MICU1: variants seen among roughly 807,000 people sequenced by gnomAD.
MICU1 encodes calcium uptake protein 1, mitochondrial.
A neutral mutation model predicts 56.8 loss-of-function variants in MICU1; 45 were observed. That is an observed-to-expected ratio of 0.79 (90% CI 0.62 to 1.02). The LOEUF (loss-of-function observed/expected upper bound fraction) is 1.02, where lower values mean the gene tolerates loss of function less well. MICU1 is among the 50% of genes least tolerant of loss of function. The pLI is 0.00. For synonymous variants in MICU1, 186 were observed against 195.1 expected, an observed-to-expected ratio of 0.95 and a Z score of 0.39; for missense variants, 504 against 587.1, an observed-to-expected ratio of 0.86 and a Z score of 1.46.
chr10:72,513,207 C>T (rs889926751), intron 5 of MICU1, among the ~76,000 whole-genome samples: 3 of 152,300 alleles, frequency 2.0e-5, no homozygotes, highest in South Asian at 2.1e-4. Flanking sequence ...CACACCCTCA[C>T]CAATACTTCT....
intron 4 of MICU1, among the ~76,000 whole-genome samples, chr10:72,546,193 G>A (rs1839889873): frequency 6.6e-6 from 1 of 152,272 alleles, no homozygotes; most frequent in East Asian, 1.9e-4. Flanking sequence ...AGCAAATGAT[G>A]ACAGAGTGAC....
chr10:72,368,402 C>T, intron 11 of MICU1, 47 bp from the exon 12 acceptor site: 1 of 1,583,516 alleles, frequency 6.3e-7, no homozygotes, highest in Non-Finnish European at 8.6e-7. Flanking sequence ...GGCCTTGGAA[C>T]AACACCACTG....
At chr10:72,461,912 T>C (rs752529480) in intron 8 of MICU1, among the ~76,000 whole-genome samples, 4 of 152,312 alleles carry the variant, frequency 2.6e-5, no homozygotes, top group Non-Finnish European at 4.4e-5. Context: ...ATCATGTCAC[T>C]GCACTCCAGC....
chr10:72,447,138 G>C (rs539683941), intron 8 of MICU1, among the ~76,000 whole-genome samples: 1 of 152,292 alleles, frequency 6.6e-6, no homozygotes, highest in Admixed American at 6.5e-5. Context: ...GTAAAAACCA[G>C]ATTTCTGCAA....
At chr10:72,402,916 G>A (rs900443268) in intron 10 of MICU1, among the ~76,000 whole-genome samples, 2 of 152,168 alleles carry the variant, frequency 1.3e-5, no homozygotes, top group Admixed American at 1.3e-4. Flanking sequence ...GTGGTGGCAT[G>A]AGCCTGTGGT....
At chr10:72,494,842 TAA>T (rs758537983) in intron 6 of MICU1, among the ~76,000 whole-genome samples, 2 of 144,900 alleles carry the variant, frequency 1.4e-5, no homozygotes, top group African/African-American at 5.2e-5. Context: ...GCCCTGATTC[TAA>T]AAAAAAAAAA....
rs150075092 is a variant in MICU1 at position 72,396,864 on chromosome 10, G to A, written c.1180+11065C>T. Among the ~76,000 whole-genome samples the A allele has an allele frequency of 6.0e-3, 915 of 152,242 alleles. 8 individuals are homozygous for A. The highest frequency in any genetic ancestry group is 0.034 in the East Asian group (174 of 5,184). ...GAACAAAGCTGGAAAACACTCTTCA[G>A]GATATTATCCAGGAGAACTTCCCCA... On this transcript the variant is annotated intron_variant, in intron 10 of 11. Transcript: ENST00000361114.
intron 1 of MICU1, among the ~76,000 whole-genome samples, chr10:72,576,857 C>G (rs1171033751): frequency 6.6e-6 from 1 of 152,186 alleles, no homozygotes; most frequent in Non-Finnish European, 1.5e-5. Context: ...ATTCATCATT[C>G]TGAAAATCCT....
intron 10 of MICU1, among the ~76,000 whole-genome samples, chr10:72,379,936 C>T (rs56387423): frequency 3.9e-5 from 6 of 152,090 alleles, no homozygotes; most frequent in Non-Finnish European, 8.8e-5. Flanking sequence ...GAATCAGAGT[C>T]GTGCAGGAAG....
At chr10:72,625,635 TC>T (rs1245696703) in intron 1 of MICU1, among the ~76,000 whole-genome samples, 4 of 152,184 alleles carry the variant, frequency 2.6e-5, no homozygotes, top group African/African-American at 9.7e-5. Flanking sequence ...CGCACCCACT[TC>T]TAACCACATC....
At chr10:72,495,621 C>A (rs1034792475) in intron 6 of MICU1, among the ~76,000 whole-genome samples, 7 of 140,786 alleles carry the variant, frequency 5.0e-5, no homozygotes, top group Admixed American at 1.5e-4. Flanking sequence ...TACCATTGTA[C>A]TCCAGCCTGG....
intron 6 of MICU1, among the ~76,000 whole-genome samples, chr10:72,505,949 TG>T (rs1399392157): frequency 7.0e-5 from 10 of 143,488 alleles, no homozygotes; most frequent in African/African-American, 2.3e-4. Context: ...GTGTCCTCTC[TG>T]AATCTAAAAT....
At chr10:72,535,035 A>ATTTTATTTTATTTTAT (rs1466059359) in intron 4 of MICU1, among the ~76,000 whole-genome samples, 2 of 60,338 alleles carry the variant, frequency 3.3e-5, no homozygotes, top group Non-Finnish European at 1.3e-4. Context: ...ATTTTATTTT[A>ATTTTATTTTATTTTAT]TTTATTTATT....
chr10:72,506,828 A>T (rs1396469096), intron 6 of MICU1, among the ~76,000 whole-genome samples: 1 of 152,188 alleles, frequency 6.6e-6, no homozygotes, highest in Non-Finnish European at 1.5e-5. Context: ...GTACATTATG[A>T]TCTTAAGTTG....
At chr10:72,400,872 C>G (rs897997637) in intron 10 of MICU1, among the ~76,000 whole-genome samples, 11 of 131,190 alleles carry the variant, frequency 8.4e-5, no homozygotes, top group African/African-American at 4.4e-4. Context: ...GTGCTACACA[C>G]ACACACACAC....
At chr10:72,395,653 C>T (rs959765895) in intron 10 of MICU1, among the ~76,000 whole-genome samples, 5 of 152,232 alleles carry the variant, frequency 3.3e-5, no homozygotes, top group African/African-American at 1.2e-4. Flanking sequence ...TGGAGGTTCC[C>T]ATGCCCACGG....
chr10:72,618,161 T>C (rs950501958), intron 1 of MICU1, among the ~76,000 whole-genome samples: 1 of 148,978 alleles, frequency 6.7e-6, no homozygotes, highest in African/African-American at 2.5e-5. Flanking sequence ...AGCCAGACTC[T>C]GTCTCAAAAA....
intron 5 of MICU1, among the ~76,000 whole-genome samples, chr10:72,520,127 A>G (rs892937270): frequency 6.6e-6 from 1 of 152,306 alleles, no homozygotes; most frequent in Middle Eastern, 3.4e-3. Context: ...CAATTTTGGC[A>G]TATCATTTCC....
intron 10 of MICU1, among the ~76,000 whole-genome samples, chr10:72,382,045 T>TATATTA (rs1265213335): frequency 1.3e-5 from 2 of 150,908 alleles, no homozygotes; most frequent in African/African-American, 4.9e-5. Flanking sequence ...AGATATCAGA[T>TATATTA]ATATTAATAC....
Sources: gnomAD v4.1 joint callset for allele counts (sites outside exome capture counted in the v4.1 genomes callset) on GRCh38, gnomAD v4.1.1 for gene constraint, MANE v1.5 for transcripts, NCBI Gene and HGNC (gene_info 2026-07-23, HGNC 2026-07-21) for gene names.